Variants in TRHDE observed in about 807,000 individuals in gnomAD.
TRHDE encodes the protein thyrotropin-releasing hormone-degrading ectoenzyme.
Under a neutral mutation model 125.7 loss-of-function variants are expected in TRHDE, and 72 were observed. That is an observed-to-expected ratio of 0.57 (90% CI 0.47 to 0.70). TRHDE has a LOEUF of 0.70. TRHDE is among the 30% of genes least tolerant of loss of function. The pLI is 0.00. For missense variants in TRHDE, 1,110 were observed against 1,327.1 expected (o/e 0.84, Z 2.54); for synonymous variants, 509 against 509.1 (o/e 1.00, Z 0.00).
At chr12:72,565,596 C>T (rs1426276380) in intron 9 of TRHDE, among the ~76,000 whole-genome samples, 2 of 152,088 alleles carry the variant, frequency 1.3e-5, no homozygotes, top group Non-Finnish European at 1.5e-5. Flanking sequence ...GCGTTCTTTG[C>T]TGCAGAGAAT....
intron 2 of TRHDE, among the ~76,000 whole-genome samples, chr12:72,329,614 A>G (rs1240212466): frequency 6.6e-6 from 1 of 152,178 alleles, no homozygotes; most frequent in African/African-American, 2.4e-5. Flanking sequence ...ATTTTGTTTC[A>G]TTATTACATC....
rs1874515977 is a variant in TRHDE at position 72,651,787 on chromosome 12, A to G, written c.2676-535A>G. Among the ~76,000 whole-genome samples the G allele has an allele frequency of 2.6e-5, 4 of 152,056 alleles. No homozygotes were observed. In the South Asian group the frequency reaches 8.3e-4, roughly 32 times the overall value. On this transcript the variant is annotated intron_variant, in intron 15 of 18. Coordinates refer to ENST00000261180, the MANE Select transcript of TRHDE (RefSeq NM_013381.3). The stretch of plus-strand genomic sequence containing the variant: ...TAGGAAAAAATAACTTTCTACTTAT[A>G]TTTTGGTATCTGTTTATTACCTATA...
At chr12:72,520,724 G>T (rs1879155242) in intron 6 of TRHDE, among the ~76,000 whole-genome samples, 1 of 152,010 alleles carries the variant, frequency 6.6e-6, no homozygotes, top group Non-Finnish European at 1.5e-5. Flanking sequence ...GAAAATTTTT[G>T]CCTGAAACAG....
At chr12:72,529,813 A>G (rs1868448927) in intron 6 of TRHDE, among the ~76,000 whole-genome samples, 1 of 152,042 alleles carries the variant, frequency 6.6e-6, no homozygotes, top group Non-Finnish European at 1.5e-5. Flanking sequence ...TAGTGTTCAC[A>G]TTCTGTTATC....
chr12:72,581,868 C>T (rs935844225), intron 12 of TRHDE, among the ~76,000 whole-genome samples: 2 of 151,420 alleles, frequency 1.3e-5, no homozygotes, highest in African/African-American at 4.9e-5. Context: ...TTTGGGAGGC[C>T]GAGGTGGGCA....
intron 2 of TRHDE, among the ~76,000 whole-genome samples, chr12:72,146,623 G>C (rs897651804): frequency 2.0e-5 from 3 of 152,186 alleles, no homozygotes. Flanking sequence ...GCACGCAGAC[G>C]GGCAGGTGCA....
At chr12:72,142,859 T>C (rs891464894) in intron 2 of TRHDE, among the ~76,000 whole-genome samples, 2 of 151,958 alleles carry the variant, frequency 1.3e-5, no homozygotes, top group Admixed American at 1.3e-4. Flanking sequence ...GAAGGTCATC[T>C]TCCCACTCCA....
chr12:72,356,386 G>A (rs940365359), intron 2 of TRHDE, among the ~76,000 whole-genome samples: 1 of 151,494 alleles, frequency 6.6e-6, no homozygotes, highest in African/African-American at 2.4e-5. Context: ...CTACTTGAGG[G>A]TGGAGGGTGG....
intron 2 of TRHDE, chr12:72,257,293 C>T (rs1205021675): frequency 6.6e-6 from 1 of 152,084 alleles, no homozygotes; most frequent in African/African-American, 2.4e-5. Context: ...TAATGGGTTA[C>T]AGTCAAACAG....
intron 2 of TRHDE, among the ~76,000 whole-genome samples, chr12:72,352,273 G>T (rs1432229289): frequency 6.6e-6 from 1 of 151,406 alleles, no homozygotes; most frequent in South Asian, 2.1e-4. Context: ...TTTCTTAATT[G>T]TGTCTGTTTT....
chr12:72,569,826 A>G (rs1266071654), intron 10 of TRHDE, among the ~76,000 whole-genome samples: 1 of 152,156 alleles, frequency 6.6e-6, no homozygotes, highest in Non-Finnish European at 1.5e-5. Context: ...TAAATTGTTT[A>G]TTATAATCTA....
In TRHDE at chr12:72,273,709, A is replaced by C; in HGVS notation, c.914+152A>C. 1.5e-6 allele frequency: 1 copy of C among 686,142 alleles called. No individual in the cohort carries two copies. The highest frequency in any genetic ancestry group is 2.1e-5 in the South Asian group (1 of 47,868). The allele number at this position is 686,142 out of a possible 1,614,324, so 42.5% of individuals were successfully genotyped here. On this transcript the variant is annotated intron_variant, in intron 1 of 18. Transcript: ENST00000261180. This position sits in a 1 kb window ranked among gnomAD's most constrained non-coding sequence, Gnocchi z 5.3. ...ACGAAAGCGGAGTAGGGCAGTCAGA[A>C]CTCCGGGGTCTCCCAGATGCCTCGG...
chr12:72,254,071 G>T (rs1878749590), intron 2 of TRHDE: 1 of 151,934 alleles, frequency 6.6e-6, no homozygotes. Flanking sequence ...GGAGCAAGGA[G>T]GAATGTATTG....
chr12:72,096,298 T>C (rs1874920515), intron 1 of TRHDE, among the ~76,000 whole-genome samples: 1 of 152,150 alleles, frequency 6.6e-6, no homozygotes, highest in South Asian at 2.1e-4. Flanking sequence ...TGGGTAATCA[T>C]GTGCTATTAT....
chr12:72,432,963 C>T (rs961526141), intron 3 of TRHDE, among the ~76,000 whole-genome samples: 7 of 152,038 alleles, frequency 4.6e-5, no homozygotes, highest in African/African-American at 1.7e-4. Context: ...CATAGATTCC[C>T]TTTATTAGAT....
At chr12:72,588,593 C>A (rs1203894663) in intron 12 of TRHDE, among the ~76,000 whole-genome samples, 1 of 151,928 alleles carries the variant, frequency 6.6e-6, no homozygotes, top group Non-Finnish European at 1.5e-5. Context: ...CATGACCAGG[C>A]CTGTGTTTTT....
chr12:72,297,840 A>G (rs1880360190), intron 2 of TRHDE, among the ~76,000 whole-genome samples: 1 of 152,176 alleles, frequency 6.6e-6, no homozygotes, highest in African/African-American at 2.4e-5. Context: ...GAGAAAAAGG[A>G]TTACTTATGC....
At chr12:72,426,738 T>C (rs1874202896) in intron 3 of TRHDE, among the ~76,000 whole-genome samples, 1 of 152,060 alleles carries the variant, frequency 6.6e-6, no homozygotes, top group African/African-American at 2.4e-5. Flanking sequence ...AAACCAGTTC[T>C]TATGTAATTT....
intron 3 of TRHDE, among the ~76,000 whole-genome samples, chr12:72,417,613 T>C (rs1873786162): frequency 6.6e-6 from 1 of 152,026 alleles, no homozygotes; most frequent in African/African-American, 2.4e-5. Flanking sequence ...TTATTTACTT[T>C]ATGTTATTCA....
Sources: allele counts gnomAD v4.1 joint callset (sites outside exome capture counted in the v4.1 genomes callset), GRCh38; gene constraint gnomAD v4.1.1; non-coding constraint Gnocchi (gnomAD v3.1); transcripts MANE v1.5; gene names NCBI Gene and HGNC (gene_info 2026-07-23, HGNC 2026-07-21).